The following PAG1 variants were observed in gnomAD, a reference collection of about 807,000 sequenced individuals.
PAG1 encodes the protein phosphoprotein associated with glycosphingolipid-enriched microdomains 1.
Under a neutral mutation model 31.7 loss-of-function variants are expected in PAG1, and 23 were observed. The observed-to-expected ratio is 0.73, with a 90% confidence interval of 0.52 to 1.03. PAG1 has a LOEUF of 1.03. Among genes scored for constraint, PAG1 ranks in the 50% least tolerant of loss-of-function variants. The probability of loss-of-function intolerance (pLI) is 0.00; values close to 1 mark genes in which losing one functional copy is unlikely to be tolerated. For synonymous variants in PAG1, 214 were observed against 210.3 expected (o/e 1.02, Z -0.15); for missense variants, 473 against 540.7 (o/e 0.87, Z 1.24).
chr8:81,042,035 TA>T (rs144367138), intron 2 of PAG1, among the ~76,000 whole-genome samples: 6,353 of 152,322 alleles, frequency 0.042, 189 homozygotes, highest in Non-Finnish European at 0.066. Flanking sequence ...CTCTGCTTTA[TA>T]AATAAATGAC....
In PAG1 at chr8:80,971,411, TC is replaced by T. The variant is rs1807074776; in HGVS notation, c.*5132del. ...CAGACCTTTTTTGTTTAGATATATT[TC>T]AAGTTTCCCCAGAAAATATGAGGCA... On this transcript the variant is annotated 3_prime_UTR_variant, in exon 9 of 9. Transcript: ENST00000220597. The T allele has an allele frequency of 6.6e-6, 1 of 152,226 alleles. No individual in the cohort carries two copies. The highest frequency in any genetic ancestry group is 1.5e-5 in the Non-Finnish European group (1 of 68,034). 9.4% of individuals were successfully genotyped at this position (152,226 alleles called of 1,614,324 possible).
At chr8:81,009,849 A>T (rs1807949467) in intron 3 of PAG1, among the ~76,000 whole-genome samples, 1 of 152,208 alleles carries the variant, frequency 6.6e-6, no homozygotes, top group Non-Finnish European at 1.5e-5. Context: ...TCCTGGCCTC[A>T]AGTGATCCTC....
At position 81,023,267 on chromosome 8, in the gene PAG1, G is replaced by C. The variant is rs1056343742; in HGVS notation, c.-81+6729C>G. ...CTTTAAATTCATCATGTAATGAAAT[G>C]CATGACTTGTTTTTGAAATTTTTGA... On this transcript the variant is annotated intron_variant, in intron 3 of 8. Coordinates refer to ENST00000220597, the MANE Select transcript of PAG1 (RefSeq NM_018440.4). Among the ~76,000 whole-genome samples the C allele has an allele frequency of 3.3e-5, 5 of 152,170 alleles. No individual in the cohort carries two copies. The East Asian group carries it at 9.6e-4, about 29-fold the overall frequency.
chr8:81,000,434 A>C lies in PAG1; in HGVS notation c.-80-7127T>G, dbSNP rs150473864. Among the ~76,000 whole-genome samples, 974 of 152,094 alleles carry C rather than the reference A, an allele frequency of 6.4e-3. 5 individuals are homozygous for C. Among genetic ancestry groups the C allele is most frequent in the African/African-American group, 0.022 (933 of 41,520 alleles). ...TCTTAAGGCAAATCCTTTTTTTTTG[A>C]GACAGCATCTTCCTCTGTCGCCCAG... is the stretch of plus-strand genomic sequence containing the variant. On this transcript the variant is annotated intron_variant, in intron 3 of 8. Coordinates refer to ENST00000220597, the MANE Select transcript of PAG1 (RefSeq NM_018440.4).
chr8:81,040,931 T>G (rs1808544013), intron 2 of PAG1: 2 of 152,200 alleles, frequency 1.3e-5, no homozygotes, highest in African/African-American at 4.8e-5. Context: ...CGTGAAAGAT[T>G]GTAAACTCCC....
chr8:81,008,352 A>G (rs1288928017), intron 3 of PAG1, among the ~76,000 whole-genome samples: 2 of 152,080 alleles, frequency 1.3e-5, no homozygotes, highest in East Asian at 1.9e-4. Flanking sequence ...CACTGGTAAC[A>G]CTCTGCTTCC....
At chr8:81,030,303 C>T (rs553389628) in intron 2 of PAG1, among the ~76,000 whole-genome samples, 17 of 152,326 alleles carry the variant, frequency 1.1e-4, no homozygotes, top group African/African-American at 4.1e-4. Context: ...AAGAAAACTT[C>T]CTATCTCCCC....
intron 2 of PAG1, among the ~76,000 whole-genome samples, chr8:81,034,408 C>T (rs545865274): frequency 1.3e-5 from 2 of 152,314 alleles, no homozygotes; most frequent in African/African-American, 2.4e-5. Flanking sequence ...GTAGGATTAC[C>T]GGCTGCTCAT....
chr8:80,993,422 A>T (rs1001347996), intron 3 of PAG1, 115 bp from the exon 4 acceptor site: 23 of 539,450 alleles, frequency 4.3e-5, no homozygotes, highest in Non-Finnish European at 7.0e-5. Flanking sequence ...CGTGTGCTGG[A>T]TGCTGAGGAG....
intron 3 of PAG1, among the ~76,000 whole-genome samples, chr8:81,022,458 T>A (rs1181580254): frequency 6.6e-6 from 1 of 152,202 alleles, no homozygotes; most frequent in Non-Finnish European, 1.5e-5. Flanking sequence ...AAAATAACGA[T>A]GCTTATCTAA....
In PAG1 at chr8:80,972,939, A is replaced by ATGTGTGTGTGTGTG. The variant is rs571519987; in HGVS notation, c.*3604_*3605insCACACACACACACA. The ATGTGTGTGTGTGTG allele has an allele frequency of 3.2e-4, 45 of 138,676 alleles. No homozygotes were observed. The highest frequency in any genetic ancestry group is 1.0e-3 in the African/African-American group (34 of 33,692). The allele number at this position is 138,676 out of a possible 1,614,324, so 8.6% of individuals were successfully genotyped here. On this transcript the variant is annotated 3_prime_UTR_variant, in exon 9 of 9. Coordinates refer to ENST00000220597, the MANE Select transcript of PAG1 (RefSeq NM_018440.4). Reference sequence around the variant, plus strand: ...CAAGTATATACACACACACACGTATACGTGTGTGTGTGTGTGTGTGTGTGT... The same window carrying ATGTGTGTGTGTGTG: ...CAAGTATATACACACACACACGTATATGTGTGTGTGTGTGCGTGTGTGTGTGTGTGTGTGTGTGT...
intron 2 of PAG1, among the ~76,000 whole-genome samples, chr8:81,044,623 A>G (rs1191865616): frequency 1.3e-5 from 2 of 152,206 alleles, no homozygotes; most frequent in African/African-American, 4.8e-5. Context: ...TTGTTACAGC[A>G]GCCACAAGAA....
intron 3 of PAG1, among the ~76,000 whole-genome samples, chr8:81,022,980 T>A (rs1808215494): frequency 6.6e-6 from 1 of 152,180 alleles, no homozygotes; most frequent in Non-Finnish European, 1.5e-5. Flanking sequence ...TTAAATTGGA[T>A]ACAAATAATT....
At position 81,084,237 on chromosome 8, in the gene PAG1, G is replaced by A. The variant is rs79269294; in HGVS notation, c.-233-14067C>T. On this transcript the variant is annotated intron_variant, in intron 1 of 8. Coordinates refer to ENST00000220597, the MANE Select transcript of PAG1 (RefSeq NM_018440.4). ...AGTTGTACTTAGTGGGAAGAACAGG[G>A]AAAAGTATGTCTACTCCATGTTCCT... is the stretch of plus-strand genomic sequence containing the variant. 8.7e-3 allele frequency among the ~76,000 whole-genome samples: 1,331 copies of A among 152,140 alleles called. 23 individuals carry two copies. Among genetic ancestry groups the A allele is most frequent in the African/African-American group, 0.03 (1,263 of 41,468 alleles).
chr8:81,022,010 A>G (rs969775741), intron 3 of PAG1, among the ~76,000 whole-genome samples: 2 of 152,248 alleles, frequency 1.3e-5, no homozygotes, highest in African/African-American at 4.8e-5. Context: ...ACATTTTCCA[A>G]ACAAGACTGA....
intron 2 of PAG1, among the ~76,000 whole-genome samples, chr8:81,069,762 C>A (rs868540335): frequency 6.6e-6 from 1 of 152,182 alleles, no homozygotes; most frequent in Non-Finnish European, 1.5e-5. Flanking sequence ...TTATCCCTGT[C>A]TCAAAGATGA....
intron 3 of PAG1, among the ~76,000 whole-genome samples, chr8:81,007,487 A>T (rs1373455551): frequency 2.8e-5 from 4 of 140,354 alleles, no homozygotes; most frequent in Non-Finnish European, 4.6e-5. Context: ...AAAAAAAAAT[A>T]GTAGACGGGT....
intron 1 of PAG1, among the ~76,000 whole-genome samples, chr8:81,096,008 G>A (rs895388889): frequency 2.6e-5 from 4 of 152,248 alleles, no homozygotes; most frequent in Admixed American, 6.5e-5. Flanking sequence ...TAAGTGAAGC[G>A]TTTTGTCTTA....
intron 6 of PAG1, among the ~76,000 whole-genome samples, chr8:80,985,970 A>G (rs1160057766): frequency 1.3e-5 from 2 of 151,940 alleles, no homozygotes; most frequent in East Asian, 3.9e-4. Context: ...AAAAAACCAA[A>G]TGTGAAATTC....
Sources: allele counts gnomAD v4.1 joint callset (sites outside exome capture counted in the v4.1 genomes callset), GRCh38; gene constraint gnomAD v4.1.1; transcripts MANE v1.5; gene names NCBI Gene and HGNC (gene_info 2026-07-23, HGNC 2026-07-21).